The following ABCC1 variants were observed in gnomAD, a reference collection of about 807,000 sequenced individuals.
ABCC1 encodes ATP binding cassette subfamily C member 1 (ABCC1 blood group).
ABCC1 carries 83 observed loss-of-function variants against 172.9 expected under a neutral mutation model. The ratio of observed to expected loss-of-function variants is 0.48; its 90% CI spans 0.40 to 0.58. The LOEUF (loss-of-function observed/expected upper bound fraction) is 0.58. ABCC1 is among the 20% of genes least tolerant of loss of function. The probability of loss-of-function intolerance (pLI) is 0.00; values close to 1 mark genes in which losing one functional copy is unlikely to be tolerated. For missense variants in ABCC1, 1,817 were observed against 2,002.7 expected, an observed-to-expected ratio of 0.91 and a Z score of 1.77; for synonymous variants, 937 against 825.2, an observed-to-expected ratio of 1.14 and a Z score of -2.32.
chr16:16,128,627 G>A (rs1441325964), intron 26 of ABCC1, among the ~76,000 whole-genome samples: 1 of 152,298 alleles, frequency 6.6e-6, no homozygotes, highest in East Asian at 1.9e-4. Flanking sequence ...TCCGCTCACT[G>A]TGTTGTTATA....
intron 21 of ABCC1, among the ~76,000 whole-genome samples, chr16:16,108,114 G>A (rs574387038): frequency 2.7e-4 from 41 of 152,120 alleles, no homozygotes; most frequent in Non-Finnish European, 5.4e-4. Context: ...ACCCCAAATC[G>A]CAGGACATGG....
intron 26 of ABCC1, 126 bp from the exon 27 acceptor site, chr16:16,131,663 C>G (rs2045677164): frequency 3.9e-6 from 4 of 1,027,104 alleles, no homozygotes; most frequent in African/African-American, 1.6e-5. Context: ...GAAGGGCAAC[C>G]CCCCAGTGCT....
Position 16,036,569 on chromosome 16 carries a change from A to C in ABCC1, c.775A>C (p.Lys259Gln), listed in dbSNP as rs757121235. The change falls in exon 7 of 31, where the codon AAG becomes CAG. Residue 259 changes from lysine (K) to glutamine (Q), a missense_variant. Coordinates refer to ENST00000399410, the MANE Select transcript of ABCC1 (RefSeq NM_004996.4). ...GGAACAAGTCGTGCCTGTTTTGGTA[A>C]AGAACTGGAAGAAGGAATGCGCCAA... ...TSEQVVPVLV[K>Q]NWKKECAKTR... is the part of the protein sequence containing the mutation. The C allele has an allele frequency of 6.2e-7, 1 of 1,614,110 alleles. No homozygotes were observed.
chr16:16,091,013 A>G (rs751363336), intron 19 of ABCC1, among the ~76,000 whole-genome samples: 35 of 152,138 alleles, frequency 2.3e-4, no homozygotes, highest in Non-Finnish European at 1.2e-4. Context: ...CACGGAGTTA[A>G]GCTGGCAGGC....
At chr16:16,114,628 A>C in intron 22 of ABCC1, 138 bp from the exon 23 acceptor site, 1 of 869,778 alleles carries the variant, frequency 1.1e-6, no homozygotes, top group Non-Finnish European at 1.7e-6. Context: ...GGTGTGAGCC[A>C]CCATGCCTGG....
chr16:16,000,189 C>A (rs1285213347), intron 1 of ABCC1, among the ~76,000 whole-genome samples: 6 of 151,090 alleles, frequency 4.0e-5, no homozygotes, highest in Non-Finnish European at 8.8e-5. Flanking sequence ...CTCTGTTGCC[C>A]AGGTTGGAGT....
chr16:16,014,257 C>T (rs1382406961), intron 3 of ABCC1, among the ~76,000 whole-genome samples: 2 of 152,162 alleles, frequency 1.3e-5, no homozygotes, highest in Non-Finnish European at 2.9e-5. Flanking sequence ...ACCAGCCTGG[C>T]CAACGTGGTG....
chr16:16,102,685 G>A lies in ABCC1; in HGVS notation c.2703G>A (p.Leu901=), dbSNP rs1300762834. The part of the protein sequence containing the change: ...KEAKQMENGM[L]VTDSAGKQLQ... ...CAAAGCAAATGGAGAATGGCATGCT[G>A]GTGACGGACAGTGCAGGGAAGCAAC... Residue 901 remains leucine, a synonymous_variant, in exon 20 of 31, where the codon CTG becomes CTA. Transcript: ENST00000399410. 4.4e-6 allele frequency: 7 copies of A among 1,590,010 alleles called. No homozygotes were observed. Among genetic ancestry groups the A allele is most frequent in the Non-Finnish European group, 6.0e-6 (7 of 1,168,038 alleles).
chr16:15,980,578 A>T (rs1360030440), intron 1 of ABCC1, among the ~76,000 whole-genome samples: 1 of 152,046 alleles, frequency 6.6e-6, no homozygotes, highest in African/African-American at 2.4e-5. Flanking sequence ...CACTATAATG[A>T]GAACAGCATG....
At chr16:16,025,412 G>A (rs1456688797) in intron 5 of ABCC1, among the ~76,000 whole-genome samples, 1 of 152,190 alleles carries the variant, frequency 6.6e-6, no homozygotes, top group Non-Finnish European at 1.5e-5. Flanking sequence ...TGGGGCCCGA[G>A]CATCTGCGGT....
intron 12 of ABCC1, among the ~76,000 whole-genome samples, chr16:16,066,617 G>A (rs2151945494): frequency 6.6e-6 from 1 of 151,968 alleles, no homozygotes; most frequent in Admixed American, 6.6e-5. Flanking sequence ...AATATCTCTG[G>A]GCTGGGCATG....
intron 21 of ABCC1, among the ~76,000 whole-genome samples, chr16:16,108,993 T>G (rs561394974): frequency 3.3e-5 from 5 of 152,038 alleles, no homozygotes; most frequent in Non-Finnish European, 7.4e-5. Context: ...GCAGGCAACT[T>G]GGCCGCATGA....
intron 1 of ABCC1, among the ~76,000 whole-genome samples, chr16:15,981,531 C>G (rs2046619825): frequency 2.0e-5 from 3 of 152,146 alleles, no homozygotes; most frequent in Admixed American, 6.6e-5. Flanking sequence ...ATGGCACAGC[C>G]CGAGCAGCAT....
chr16:16,056,029 A>G, intron 11 of ABCC1, 63 bp from the exon 12 acceptor site: 1 of 1,374,810 alleles, frequency 7.3e-7, no homozygotes, highest in East Asian at 2.3e-5. Context: ...ATAGCTGGTG[A>G]TGTTGAGTGA....
At chr16:16,102,327 G>GT (rs1387465470) in intron 19 of ABCC1, among the ~76,000 whole-genome samples, 2 of 152,224 alleles carry the variant, frequency 1.3e-5, no homozygotes, top group African/African-American at 4.8e-5. Flanking sequence ...TCTGGGCTGG[G>GT]TTTTACCCAT....
rs2046000845 is a variant in ABCC1, at chr16:16,138,485, A to G, written c.4414A>G (p.Ile1472Val). The G allele has an allele frequency of 6.2e-7, 1 of 1,613,276 alleles. No individual in the cohort carries two copies. The highest frequency in any genetic ancestry group is 8.5e-7 in the Non-Finnish European group (1 of 1,179,408). The part of the protein sequence containing the change: ...LETDDLIQST[I>V]RTQFEDCTVL... ...AACGGACGACCTCATCCAGTCCACC[A>G]TCCGGACACAGTTCGAGGACTGCAC... The change falls in exon 30 of 31, where the codon ATC (isoleucine) becomes GTC (valine). Residue 1472 changes from isoleucine to valine, a missense_variant. Transcript: ENST00000399410.
Position 15,992,017 on chromosome 16 carries a change from G to A in ABCC1, c.49-15799G>A, listed in dbSNP as rs577048815. Among the ~76,000 whole-genome samples, 55 of 152,154 alleles carry A rather than the reference G, an allele frequency of 3.6e-4. No homozygotes were observed. The South Asian group carries it at 0.011, about 29-fold the overall frequency. On this transcript the variant is annotated intron_variant, in intron 1 of 30. Coordinates refer to ENST00000399410, the MANE Select transcript of ABCC1 (RefSeq NM_004996.4). ...TGAGACTTCATCTGTATTTACAGCC[G>A]CTCCCCATCTTTTGCATCACCGCCT...
At position 16,138,714 on chromosome 16, in the gene ABCC1, CT is replaced by C. The variant is rs397973927; in HGVS notation, c.4487+175del. ...TCATCCTGGATGGTACCAGCTATTTCTTTTTTTTTTTTTTTTTTTGAGACAG... is the reference window on the plus strand; with the variant it reads ...TCATCCTGGATGGTACCAGCTATTTCTTTTTTTTTTTTTTTTTTGAGACAG... On this transcript the variant is annotated intron_variant, in intron 30 of 30. Coordinates refer to ENST00000399410, the MANE Select transcript of ABCC1 (RefSeq NM_004996.4). 6.3e-3 allele frequency among the ~76,000 whole-genome samples: 815 copies of C among 129,662 alleles called. 4 individuals carry two copies. Among genetic ancestry groups the C allele is most frequent in the African/African-American group, 0.018 (622 of 33,824 alleles). 85.1% of individuals were successfully genotyped at this position (129,662 alleles called of 152,430 possible).
At chr16:16,092,471 G>C (rs1330437518) in intron 19 of ABCC1, among the ~76,000 whole-genome samples, 1 of 152,124 alleles carries the variant, frequency 6.6e-6, no homozygotes, top group African/African-American at 2.4e-5. Flanking sequence ...TCATATAAAT[G>C]CCATCACAAT....
Sources: allele counts gnomAD v4.1 joint callset (sites outside exome capture counted in the v4.1 genomes callset), GRCh38; gene constraint gnomAD v4.1.1; transcripts MANE v1.5; gene names NCBI Gene and HGNC (gene_info 2026-07-23, HGNC 2026-07-21).